The following SERPINB7 variants were observed in gnomAD, a reference collection of about 807,000 sequenced individuals.
The protein encoded by SERPINB7 is serpin B7.
Under a neutral mutation model 37.4 loss-of-function variants are expected in SERPINB7, and 31 were observed. The ratio of observed to expected loss-of-function variants is 0.83; its 90% CI spans 0.62 to 1.12. The LOEUF (loss-of-function observed/expected upper bound fraction) is 1.12, where lower values mean the gene tolerates loss of function less well. SERPINB7 is among the 50% of genes most tolerant of loss of function. The pLI, the probability that SERPINB7 is intolerant of heterozygous loss-of-function variation, is 0.00. For missense variants in SERPINB7, 521 were observed against 455.3 expected (o/e 1.14, Z -1.31); for synonymous variants, 163 against 166.1 (o/e 0.98, Z 0.14).
intron 1 of SERPINB7, among the ~76,000 whole-genome samples, chr18:63,759,901 A>G (rs1036284521): frequency 6.6e-6 from 1 of 152,206 alleles, no homozygotes; most frequent in Non-Finnish European, 1.5e-5. Flanking sequence ...TGTAAGTCCA[A>G]TGAAACCTCT....
intron 2 of SERPINB7, among the ~76,000 whole-genome samples, chr18:63,791,822 G>T (rs938806848): frequency 6.6e-6 from 1 of 152,034 alleles, no homozygotes; most frequent in Non-Finnish European, 1.5e-5. Flanking sequence ...GTGTTAGCCA[G>T]GATGGTCTCG....
upstream of SERPINB7, among the ~76,000 whole-genome samples, chr18:63,771,520 T>C (rs1267393490): frequency 6.6e-6 from 1 of 152,148 alleles, no homozygotes; most frequent in Non-Finnish European, 1.5e-5. Flanking sequence ...ACTTATTTCA[T>C]GTGTTCTTAT....
At chr18:63,758,994 G>T (rs970284925) in intron 1 of SERPINB7, among the ~76,000 whole-genome samples, 1 of 152,292 alleles carries the variant, frequency 6.6e-6, no homozygotes, top group Non-Finnish European at 1.5e-5. Flanking sequence ...CCCACTTCTT[G>T]GTGAGTGGCT....
intron 1 of SERPINB7, among the ~76,000 whole-genome samples, chr18:63,780,761 A>C (rs145867756): frequency 6.6e-6 from 1 of 152,288 alleles, no homozygotes; most frequent in South Asian, 2.1e-4. Context: ...CTTATAACGA[A>C]TTCTATATAG....
chr18:63,764,467 A>G (rs2144588697), intron 1 of SERPINB7, among the ~76,000 whole-genome samples: 1 of 152,260 alleles, frequency 6.6e-6, no homozygotes, highest in South Asian at 2.1e-4. Context: ...GAGAGTCAAG[A>G]GGAAACTTCT....
chr18:63,773,893 C>T (rs1442428129), upstream of SERPINB7, among the ~76,000 whole-genome samples: 1 of 152,120 alleles, frequency 6.6e-6, no homozygotes, highest in Non-Finnish European at 1.5e-5. Context: ...ATGGATGACT[C>T]TTGGTAATTC....
rs763475984 is a variant in SERPINB7 at position 63,804,533 on chromosome 18, G to T, written c.1041G>T (p.Lys347Asn). ...CCACAGGAAGTAATATTGTAGAAAA[G>T]CAACTCCCTCAGTCCACGCTGTTTA... Reference protein sequence around the residue: ...TAATGSNIVEKQLPQSTLFRA... With the variant: ...TAATGSNIVENQLPQSTLFRA... The change falls in exon 8 of 8, where the codon AAG (lysine) becomes AAT (asparagine). Residue 347 changes from lysine (K) to asparagine (N), a missense_variant. Transcript: ENST00000398019. 3 of 1,613,778 alleles carry T rather than the reference G, an allele frequency of 1.9e-6. No homozygotes were observed. The highest frequency in any genetic ancestry group is 8.5e-7 in the Non-Finnish European group (1 of 1,179,868).
upstream of SERPINB7, among the ~76,000 whole-genome samples, chr18:63,775,211 T>C (rs961915991): frequency 6.6e-6 from 1 of 152,128 alleles, no homozygotes; most frequent in African/African-American, 2.4e-5. Context: ...ATGGTTATGT[T>C]AAAACCATTG....
At chr18:63,759,112 C>G (rs774872633) in intron 1 of SERPINB7, among the ~76,000 whole-genome samples, 2 of 152,152 alleles carry the variant, frequency 1.3e-5, no homozygotes, top group Non-Finnish European at 2.9e-5. Context: ...GCTTCATGGT[C>G]TATCCTATTC....
At chr18:63,755,242 T>C (rs181733592) in intron 1 of SERPINB7, among the ~76,000 whole-genome samples, 298 of 152,284 alleles carry the variant, frequency 2.0e-3, no homozygotes, top group Admixed American at 3.5e-3. Context: ...TTTCAGGCTA[T>C]AGTTAGAGGC....
intron 1 of SERPINB7, among the ~76,000 whole-genome samples, chr18:63,764,850 G>A (rs1182617702): frequency 6.6e-6 from 1 of 151,840 alleles, no homozygotes; most frequent in Non-Finnish European, 1.5e-5. Flanking sequence ...GACTACAGAA[G>A]GCAAGAAAAT....
intron 2 of SERPINB7, among the ~76,000 whole-genome samples, chr18:63,783,266 GA>G (rs1282410614): frequency 6.8e-6 from 1 of 148,024 alleles, no homozygotes; most frequent in African/African-American, 2.6e-5. Flanking sequence ...AAGAAAGAAA[GA>G]AAGAAAGAAA....
At chr18:63,762,315 T>C (rs1179610858) in intron 1 of SERPINB7, among the ~76,000 whole-genome samples, 1 of 152,206 alleles carries the variant, frequency 6.6e-6, no homozygotes, top group Non-Finnish European at 1.5e-5. Context: ...ACACTTATCT[T>C]CTTTGGTTTA....
At chr18:63,788,552 A>G (rs2049395983) in intron 2 of SERPINB7, among the ~76,000 whole-genome samples, 1 of 152,212 alleles carries the variant, frequency 6.6e-6, no homozygotes, top group South Asian at 2.1e-4. Flanking sequence ...GAAAACAAAA[A>G]TATTCTTTAT....
Position 63,792,381 on chromosome 18 carries a change from C to T in SERPINB7, c.169-12C>T, listed in dbSNP as rs371173346. On this transcript the variant is annotated splice_polypyrimidine_tract_variant and intron_variant, in intron 2 of 7. Transcript: ENST00000398019. ...GATTCTAATGATTGCTTTCCTTGTG[C>T]CCTGTTTACAGTTGCTTCATGTTAA... 6.3e-7 allele frequency: 1 copy of T among 1,587,370 alleles called. No individual in the cohort carries two copies. The highest frequency in any genetic ancestry group is 8.6e-7 in the Non-Finnish European group (1 of 1,156,192).
At chr18:63,777,925 C>CACACAG (rs2049266085) in intron 1 of SERPINB7, 2 of 126,352 alleles carry the variant, frequency 1.6e-5, no homozygotes, top group Admixed American at 8.0e-5. Context: ...CACACACACA[C>CACACAG]AGACACAGAG....
chr18:63,802,965 A>G (rs1238158155), intron 7 of SERPINB7, among the ~76,000 whole-genome samples: 1 of 152,194 alleles, frequency 6.6e-6, no homozygotes, highest in Non-Finnish European at 1.5e-5. Flanking sequence ...TATTAAACCT[A>G]TAATTCACGT....
rs150705531 is a variant in SERPINB7, at chr18:63,780,225, GA to G, written c.-18-2128del. Among the ~76,000 whole-genome samples, 855 of 152,188 alleles carry G rather than the reference GA, an allele frequency of 5.6e-3. 3 individuals carry two copies. Among genetic ancestry groups the G allele is most frequent in the Middle Eastern group, 0.014 (4 of 294 alleles). ...CTGTCTGATTTTCGGCAACCAGCAT[GA>G]AGCCTTGGAAATTCTTTAGGATGGA... On this transcript the variant is annotated intron_variant, in intron 1 of 7. Coordinates refer to ENST00000398019, the MANE Select transcript of SERPINB7 (RefSeq NM_003784.4).
chr18:63,783,458 A>G (rs535394139), intron 2 of SERPINB7, among the ~76,000 whole-genome samples: 102 of 152,182 alleles, frequency 6.7e-4, no homozygotes, highest in African/African-American at 2.3e-3. Context: ...GGAGATTCCA[A>G]TGACATCCCA....
Sources: allele counts gnomAD v4.1 joint callset (sites outside exome capture counted in the v4.1 genomes callset), GRCh38; gene constraint gnomAD v4.1.1; transcripts MANE v1.5; gene names NCBI Gene and HGNC (gene_info 2026-07-23, HGNC 2026-07-21).